The following SPTSSB variants were observed in gnomAD, a reference collection of about 807,000 sequenced individuals.
The protein encoded by SPTSSB is androgen down regulated in mouse prostate.
A neutral mutation model predicts 7.7 loss-of-function variants in SPTSSB; 6 were observed. That is an observed-to-expected ratio of 0.78 (90% CI 0.43 to 1.54). The LOEUF is 1.54. SPTSSB is among the 40% of genes most tolerant of loss of function. The pLI, the probability that SPTSSB is intolerant of heterozygous loss-of-function variation, is 0.01. For missense variants in SPTSSB, 91 were observed against 93.0 expected (o/e 0.98, Z 0.09); for synonymous variants, 28 against 29.7 (o/e 0.94, Z 0.19).
At chr3:161,360,822 T>A (rs1714981122) in intron 1 of SPTSSB, among the ~76,000 whole-genome samples, 1 of 152,200 alleles carries the variant, frequency 6.6e-6, no homozygotes, top group Admixed American at 6.5e-5. Context: ...TGGAGAAAAT[T>A]AGCTTATAAG....
In SPTSSB at chr3:161,367,856, G is replaced by C. The variant is rs530687881; in HGVS notation, c.-126+3579C>G. On this transcript the variant is annotated intron_variant, in intron 1 of 2. Coordinates refer to ENST00000620149, the MANE Select transcript of SPTSSB (RefSeq NM_001040100.2). ...GGTACCTTCCTCTCTCACCCAATGT[G>C]GGCCTGAACAAACTCAACCGCTGGC... 2.6e-5 allele frequency among the ~76,000 whole-genome samples: 4 copies of C among 152,254 alleles called. No homozygotes were observed. In the South Asian group the frequency reaches 8.3e-4, roughly 32 times the overall value.
At chr3:161,350,412 A>G (rs1427792376) in intron 2 of SPTSSB, among the ~76,000 whole-genome samples, 1 of 152,140 alleles carries the variant, frequency 6.6e-6, no homozygotes, top group African/African-American at 2.4e-5. Flanking sequence ...GTTTAAATTT[A>G]CTTCTAGAAC....
intron 1 of SPTSSB, among the ~76,000 whole-genome samples, chr3:161,365,066 C>T (rs1715162903): frequency 2.0e-5 from 3 of 152,126 alleles, no homozygotes; most frequent in African/African-American, 7.2e-5. Context: ...ACTTAAATGG[C>T]AAATTGTCAC....
intron 2 of SPTSSB, among the ~76,000 whole-genome samples, chr3:161,353,757 C>T (rs1714646733): frequency 6.6e-6 from 1 of 152,144 alleles, no homozygotes; most frequent in Non-Finnish European, 1.5e-5. Context: ...TAGACATAAC[C>T]TCAGTTTATT....
chr3:161,369,093 G>T (rs1307325919), intron 1 of SPTSSB, among the ~76,000 whole-genome samples: 16 of 152,068 alleles, frequency 1.1e-4, no homozygotes, highest in Admixed American at 9.2e-4. Flanking sequence ...GAGTGGAATT[G>T]CTTGATTATG....
chr3:161,358,143 G>A (rs931408588), intron 2 of SPTSSB, among the ~76,000 whole-genome samples: 4 of 149,836 alleles, frequency 2.7e-5, no homozygotes, highest in South Asian at 2.1e-4. Flanking sequence ...AGCTTCCCAA[G>A]TAGGTGGGAA....
chr3:161,346,444 A>G (rs1714242510), intron 2 of SPTSSB, 89 bp from the exon 3 acceptor site: 1 of 633,188 alleles, frequency 1.6e-6, no homozygotes, highest in Admixed American at 2.9e-5. Context: ...AAAATCTTTC[A>G]AAGATTTGTT....
At chr3:161,359,190 C>T (rs1489079905) in intron 2 of SPTSSB, 2 of 152,056 alleles carry the variant, frequency 1.3e-5, no homozygotes, top group Non-Finnish European at 2.9e-5. Context: ...CTGTTATAAA[C>T]ATTAGGCATC....
At chr3:161,354,305 CAG>C (rs1184043254) in intron 2 of SPTSSB, among the ~76,000 whole-genome samples, 1 of 152,172 alleles carries the variant, frequency 6.6e-6, no homozygotes, top group East Asian at 1.9e-4. Flanking sequence ...TATACAATAA[CAG>C]AATGTTTTAT....
chr3:161,370,664 G>C (rs1715470163), intron 1 of SPTSSB, among the ~76,000 whole-genome samples: 2 of 152,138 alleles, frequency 1.3e-5, no homozygotes, highest in Non-Finnish European at 2.9e-5. Context: ...TTTGGACTTT[G>C]GGGCTAGTTC....
chr3:161,354,625 C>T lies in SPTSSB; in HGVS notation c.-33+5177G>A, dbSNP rs778308995. Among the ~76,000 whole-genome samples, 9 of 152,214 alleles carry T rather than the reference C, an allele frequency of 5.9e-5. 1 individual carries two copies. Among genetic ancestry groups the T allele is most frequent in the South Asian group, 4.1e-4 (2 of 4,830 alleles). On this transcript the variant is annotated intron_variant, in intron 2 of 2. Coordinates refer to ENST00000620149, the MANE Select transcript of SPTSSB (RefSeq NM_001040100.2). The stretch of plus-strand genomic sequence containing the variant: ...CCTCCCATAGTGATGGGATTACAGG[C>T]GTGAGCCACCACACCTGGCCTGAAC...
intron 1 of SPTSSB, among the ~76,000 whole-genome samples, chr3:161,361,583 A>G (rs1715018755): frequency 6.6e-6 from 1 of 152,200 alleles, no homozygotes; most frequent in Admixed American, 6.5e-5. Context: ...CATCAGTAAC[A>G]TGGTGATTAT....
chr3:161,362,775 A>G (rs1715061736), intron 1 of SPTSSB, among the ~76,000 whole-genome samples: 1 of 152,082 alleles, frequency 6.6e-6, no homozygotes, highest in African/African-American at 2.4e-5. Context: ...GCCCATGAAA[A>G]TTGAGTAAGC....
At position 161,348,312 on chromosome 3, in the gene SPTSSB, T is replaced by TAA. The variant is rs5853930; in HGVS notation, c.-32-1959_-32-1958dup. 8.5e-3 allele frequency among the ~76,000 whole-genome samples: 1,287 copies of TAA among 150,632 alleles called. 19 individuals carry two copies. The highest frequency in any genetic ancestry group is 0.028 in the African/African-American group (1,168 of 41,194). On this transcript the variant is annotated intron_variant, in intron 2 of 2. Transcript: ENST00000620149. Reference sequence around the variant, plus strand: ...CAAAACAAAACAAAACACTCTAAATTAAAAAAAATGCATTGATTAATTTCC... The same window carrying TAA: ...CAAAACAAAACAAAACACTCTAAATTAAAAAAAAAATGCATTGATTAATTTCC...
rs1358017404 is a variant in SPTSSB at position 161,345,820 on chromosome 3, A to G, written c.*273T>C. 3.6e-6 allele frequency: 1 copy of G among 281,238 alleles called. No individual in the cohort carries two copies. Among genetic ancestry groups the G allele is most frequent in the African/African-American group, 2.2e-5 (1 of 45,460 alleles). The allele number at this position is 281,238 out of a possible 1,614,324, so 17.4% of individuals were successfully genotyped here. A position where few individuals can be genotyped will look rare whatever the true frequency, so the allele number is the denominator to read the frequency against. On this transcript the variant is annotated 3_prime_UTR_variant, in exon 3 of 3. Transcript: ENST00000620149. The stretch of plus-strand genomic sequence containing the variant: ...TTGTAGGAAATTGTTCTGATTTTAA[A>G]TAAACTAAATTCATAGATTTGTGTT...
chr3:161,347,316 G>A (rs1714294917), intron 2 of SPTSSB, among the ~76,000 whole-genome samples: 2 of 152,006 alleles, frequency 1.3e-5, no homozygotes, highest in African/African-American at 4.8e-5. Flanking sequence ...AGAATATAGT[G>A]GCACAATCTT....
chr3:161,352,606 T>C (rs773960875), intron 2 of SPTSSB, among the ~76,000 whole-genome samples: 7 of 152,200 alleles, frequency 4.6e-5, no homozygotes, highest in African/African-American at 7.2e-5. Flanking sequence ...GTTGGCTGAC[T>C]GACCGATTCA....
intron 1 of SPTSSB, among the ~76,000 whole-genome samples, chr3:161,362,427 T>C (rs1288363493): frequency 6.6e-6 from 1 of 152,160 alleles, no homozygotes; most frequent in Non-Finnish European, 1.5e-5. Context: ...TCAAATTTTT[T>C]AAGTTGTTCA....
At chr3:161,354,582 G>A (rs1424572741) in intron 2 of SPTSSB, among the ~76,000 whole-genome samples, 3 of 152,250 alleles carry the variant, frequency 2.0e-5, no homozygotes, top group Non-Finnish European at 4.4e-5. Context: ...CTGGCTTCAA[G>A]TGATCCTTCC....
Sources: allele counts gnomAD v4.1 joint callset (sites outside exome capture counted in the v4.1 genomes callset), GRCh38; gene constraint gnomAD v4.1.1; transcripts MANE v1.5; gene names NCBI Gene and HGNC (gene_info 2026-07-23, HGNC 2026-07-21).